The following RYR2 variants were observed in gnomAD, a reference collection of about 807,000 sequenced individuals.
RYR2 encodes the protein cardiac muscle ryanodine receptor-calcium release channel.
Under a neutral mutation model 601.1 loss-of-function variants are expected in RYR2, and 227 were observed. The ratio of observed to expected loss-of-function variants is 0.38; its 90% confidence interval spans 0.34 to 0.42. RYR2 has a LOEUF of 0.42. Ranked by LOEUF, RYR2 falls within the 10% of genes least tolerant of loss-of-function variation. The pLI is 1.00. For synonymous variants in RYR2, 2,223 were observed against 2,175.1 expected (o/e 1.02, Z -0.61); for missense variants, 4,646 against 6,156.5 (o/e 0.75, Z 8.21).
chr1:237,626,660 C>T (rs957166617), intron 40 of RYR2, among the ~76,000 whole-genome samples: 8 of 116,348 alleles, frequency 6.9e-5, no homozygotes, highest in Admixed American at 5.2e-4. Flanking sequence ...GGTGCATTTT[C>T]GGCTTACTGC....
chr1:237,098,163 T>C (rs1417179133), intron 1 of RYR2, among the ~76,000 whole-genome samples: 1 of 152,186 alleles, frequency 6.6e-6, no homozygotes, highest in Non-Finnish European at 1.5e-5. Flanking sequence ...AAGCCACTTG[T>C]GCCATAAAAT....
chr1:237,290,144 G>A (rs551323129), intron 2 of RYR2, among the ~76,000 whole-genome samples: 1 of 152,292 alleles, frequency 6.6e-6, no homozygotes, highest in Admixed American at 6.5e-5. Context: ...ATGACCAAAA[G>A]TGTCATCAAC....
chr1:237,192,240 G>A (rs899714223), intron 1 of RYR2, among the ~76,000 whole-genome samples: 5 of 151,418 alleles, frequency 3.3e-5, no homozygotes, highest in South Asian at 2.1e-4. Context: ...ACAGAGTCTC[G>A]CTCTGTCACC....
intron 1 of RYR2, among the ~76,000 whole-genome samples, chr1:237,125,313 T>A (rs1044223309): frequency 4.7e-4 from 71 of 152,130 alleles, no homozygotes; most frequent in African/African-American, 1.7e-3. Flanking sequence ...TCTGATTTTG[T>A]TAGGGATTCA....
At chr1:237,637,777 G>A (rs530741619) in intron 44 of RYR2, among the ~76,000 whole-genome samples, 1 of 152,176 alleles carries the variant, frequency 6.6e-6, no homozygotes, top group Non-Finnish European at 1.5e-5. Context: ...TGATAGATAA[G>A]GGTCTCAAGT....
intron 24 of RYR2, 118 bp from the exon 25 acceptor site, chr1:237,530,309 T>TG (rs1362465215): frequency 7.1e-6 from 4 of 564,616 alleles, no homozygotes; most frequent in Non-Finnish European, 9.1e-6. Context: ...AGACTCCGTC[T>TG]CAAAAAAAAA....
intron 63 of RYR2, among the ~76,000 whole-genome samples, chr1:237,697,490 ATATT>A (rs1176136518): frequency 1.4e-5 from 2 of 144,762 alleles, no homozygotes; most frequent in East Asian, 2.0e-4. Context: ...ATAGAAATAT[ATATT>A]ATATAATATA....
intron 12 of RYR2, among the ~76,000 whole-genome samples, chr1:237,435,652 C>T (rs1262560611): frequency 6.6e-6 from 1 of 152,110 alleles, no homozygotes; most frequent in African/African-American, 2.4e-5. Context: ...CCATTGAAGC[C>T]TTCTGTGATT....
At chr1:237,667,391 C>G (rs1684422414) in intron 57 of RYR2, among the ~76,000 whole-genome samples, 1 of 152,088 alleles carries the variant, frequency 6.6e-6, no homozygotes, top group African/African-American at 2.4e-5. Flanking sequence ...TAGAAAGAAT[C>G]CGGGAGGTAA....
intron 2 of RYR2, among the ~76,000 whole-genome samples, chr1:237,328,493 G>A (rs191410634): frequency 3.9e-4 from 59 of 152,164 alleles, no homozygotes; most frequent in Non-Finnish European, 7.5e-4. Flanking sequence ...AGATTTGAGA[G>A]GACTCTTTGC....
In RYR2 at chr1:237,548,673, TA is replaced by T. The variant is rs1228555976; in HGVS notation, c.3066+84del. 5.3e-6 allele frequency: 8 copies of T among 1,508,040 alleles called. No homozygotes were observed. The African/African-American group carries it at 1.1e-4, about 21-fold the overall frequency. 93.4% of individuals were successfully genotyped at this position (1,508,040 alleles called of 1,614,324 possible). ...GTAACAGGAAGGATTACATAATGAC[TA>T]TTTTAAAACTTGTATCATATAGATC... On this transcript the variant is annotated intron_variant, in intron 26 of 104. Transcript: ENST00000366574.
chr1:237,614,546 C>T lies in RYR2; in HGVS notation c.5418C>T (p.Ala1806=), dbSNP rs1678250514. ...TEAVKEGSLH[A]RDPVGGTTEF... ...CTGTTAAAGAGGGCAGTCTTCATGCCCGGGACCCAGTTGGAGGGACTACTG... is the reference window on the plus strand; with the variant it reads ...CTGTTAAAGAGGGCAGTCTTCATGCTCGGGACCCAGTTGGAGGGACTACTG... Residue 1806 remains alanine (A), a synonymous_variant, in exon 37 of 105, where the codon GCC becomes GCT. Coordinates refer to ENST00000366574, the MANE Select transcript of RYR2 (RefSeq NM_001035.3). The surrounding 1 kb of genome is among the most constrained non-coding windows in gnomAD (Gnocchi z 4.3). 6.2e-7 allele frequency: 1 copy of T among 1,613,962 alleles called. No individual in the cohort carries two copies. Among genetic ancestry groups the T allele is most frequent in the South Asian group, 1.1e-5 (1 of 91,084 alleles).
chr1:237,383,650 C>T (rs562443664), intron 8 of RYR2, among the ~76,000 whole-genome samples: 14 of 151,948 alleles, frequency 9.2e-5, no homozygotes, highest in African/African-American at 1.4e-4. Flanking sequence ...AGGATGGTCT[C>T]GATCTCCTGA....
In RYR2 at chr1:237,680,564, G is replaced by C. The variant is rs1316627946; in HGVS notation, c.9004G>C (p.Glu3002Gln). ...AGGACATGCTTCCAACAAAGAGAAA[G>C]AAATGGTGACTAGGTAAACAGCTAT... ...SGGHASNKEK[E>Q]MVTSLFCKLG... Residue 3002 changes from glutamate to glutamine, a missense_variant, in exon 62 of 105, where the codon GAA becomes CAA. Transcript: ENST00000366574. 1 of 1,603,036 alleles carries C rather than the reference G, an allele frequency of 6.2e-7. No homozygotes were observed. The highest frequency in any genetic ancestry group is 1.1e-5 in the South Asian group (1 of 89,564).
intron 84 of RYR2, among the ~76,000 whole-genome samples, chr1:237,767,785 T>G (rs1693954476): frequency 6.6e-6 from 1 of 152,170 alleles, no homozygotes. Flanking sequence ...TTTCACTATT[T>G]TAAAATATCT....
chr1:237,075,079 G>T (rs76275898), intron 1 of RYR2, among the ~76,000 whole-genome samples: 7,752 of 152,196 alleles, frequency 0.051, 654 homozygotes, highest in African/African-American at 0.17. Context: ...TCATTCTCAT[G>T]TAGGTTTTAT....
chr1:237,499,094 A>G (rs568819009), intron 20 of RYR2, among the ~76,000 whole-genome samples: 2 of 152,222 alleles, frequency 1.3e-5, no homozygotes, highest in Admixed American at 6.5e-5. Context: ...GTTGATGTAC[A>G]ATTTGAAGTA....
At chr1:237,753,684 A>G (rs1692715279) in intron 80 of RYR2, among the ~76,000 whole-genome samples, 1 of 152,164 alleles carries the variant, frequency 6.6e-6, no homozygotes, top group African/African-American at 2.4e-5. Context: ...CCTTGAAATA[A>G]CACAAAGACT....
intron 10 of RYR2, among the ~76,000 whole-genome samples, chr1:237,399,166 G>A (rs375814225): frequency 9.1e-4 from 138 of 151,970 alleles, no homozygotes; most frequent in African/African-American, 2.9e-3. Context: ...CTTCACTCCG[G>A]CCTGGGCAAC....
Sources: allele counts gnomAD v4.1 joint callset (sites outside exome capture counted in the v4.1 genomes callset), GRCh38; gene constraint gnomAD v4.1.1; non-coding constraint Gnocchi (gnomAD v3.1); transcripts MANE v1.5; gene names NCBI Gene and HGNC (gene_info 2026-07-23, HGNC 2026-07-21).